The following ELAVL3 variants were observed in gnomAD, a reference collection of about 807,000 sequenced individuals.
The protein encoded by ELAVL3 is ELAV-like protein 3.
Under a neutral mutation model 34.2 loss-of-function variants are expected in ELAVL3, and 8 were observed. The ratio of observed to expected loss-of-function variants is 0.23; its 90% confidence interval spans 0.14 to 0.42. The LOEUF (loss-of-function observed/expected upper bound fraction) is 0.42. ELAVL3 is among the 10% of genes least tolerant of loss of function. ELAVL3 has a pLI of 1.00. For synonymous variants in ELAVL3, 209 were observed against 222.1 expected (o/e 0.94, Z 0.53); for missense variants, 273 against 518.8 (o/e 0.53, Z 4.60).
At chr19:11,472,507 C>T (rs1971183621) in intron 1 of ELAVL3, among the ~76,000 whole-genome samples, 1 of 152,000 alleles carries the variant, frequency 6.6e-6, no homozygotes, top group Non-Finnish European at 1.5e-5. Context: ...TCAAGCCCAG[C>T]CTGGGCAACA....
At chr19:11,465,292 C>A (rs565992099) in intron 3 of ELAVL3, among the ~76,000 whole-genome samples, 4 of 121,392 alleles carry the variant, frequency 3.3e-5, no homozygotes, top group East Asian at 4.4e-4. Context: ...CACACACACA[C>A]CACACACACA....
chr19:11,466,067 A>G lies in ELAVL3; in HGVS notation c.333+105T>C, dbSNP rs958041844. 5 of 1,030,166 alleles carry G rather than the reference A, an allele frequency of 4.9e-6. No homozygotes were observed. Among genetic ancestry groups the G allele is most frequent in the African/African-American group, 1.6e-5 (1 of 63,610 alleles). The allele number at this position is 1,030,166 out of a possible 1,614,324, so 63.8% of individuals were successfully genotyped here. A position where few individuals can be genotyped will look rare whatever the true frequency, so the allele number is the denominator to read the frequency against. On this transcript the variant is annotated intron_variant, in intron 3 of 6. Transcript: ENST00000359227. This position sits in a 1 kb window ranked among gnomAD's most constrained non-coding sequence, Gnocchi z 5.0. ...GAGCCCCTCTGGGGATGAGTCCTGAAAGGCAGTGGACATGGATGCATGGGG... is the reference window on the plus strand; with the variant it reads ...GAGCCCCTCTGGGGATGAGTCCTGAGAGGCAGTGGACATGGATGCATGGGG...
Position 11,452,477 on chromosome 19 carries a change from T to G in ELAVL3, c.*2049A>C, listed in dbSNP as rs1189266917. The G allele has an allele frequency of 6.6e-6, 1 of 151,350 alleles. No individual in the cohort carries two copies. The highest frequency in any genetic ancestry group is 1.5e-5 in the Non-Finnish European group (1 of 67,986). The allele number at this position is 151,350 out of a possible 1,614,324, so 9.4% of individuals were successfully genotyped here. ...GTTAACTGGTGCCAGTTTATGTCTT[T>G]TTTTTTTTTCCTTTTTTTTTTTTAA... On this transcript the variant is annotated 3_prime_UTR_variant, in exon 7 of 7. Coordinates refer to ENST00000359227, the MANE Select transcript of ELAVL3 (RefSeq NM_001420.4).
chr19:11,457,261 C>T, intron 5 of ELAVL3, 113 bp from the exon 6 acceptor site: 1 of 1,162,774 alleles, frequency 8.6e-7, no homozygotes, highest in Non-Finnish European at 1.2e-6. Flanking sequence ...AGAGCCCTGC[C>T]CCCGCCTGCC....
Position 11,454,804 on chromosome 19 carries a change from A to C in ELAVL3, c.826T>G (p.Ser276Ala). ...GMSGLAGVGL[S>A]GGAAGAGWCI... is the part of the protein sequence containing the mutation. ...CAGCCGGCGCCCGCCGCGCCCCCCG[A>C]CAGGCCCACGCCCGCCAGGCCGCTC... The change falls in exon 7 of 7, where the codon TCG becomes GCG. Residue 276 changes from serine to alanine, a missense_variant. Physicochemically the swap from Ser to Ala is moderately conservative, Grantham distance 99. Coordinates refer to ENST00000359227, the MANE Select transcript of ELAVL3 (RefSeq NM_001420.4). This position sits in a 1 kb window ranked among gnomAD's most constrained non-coding sequence, Gnocchi z 9.2. The C allele has an allele frequency of 1.2e-6, 2 of 1,612,284 alleles. No individual in the cohort carries two copies. The highest frequency in any genetic ancestry group is 1.3e-5 in the African/African-American group (1 of 75,040).
rs1449123405 is a variant in ELAVL3, at chr19:11,455,148, G to A, written c.753-271C>T. On this transcript the variant is annotated intron_variant, in intron 6 of 6. Transcript: ENST00000359227. ...TGAGCAGCTGGGACTGTAGGCAGGC[G>A]CCCTCACACCCAGCTAATTTTTTTT... Among the ~76,000 whole-genome samples, 7 of 151,874 alleles carry A rather than the reference G, an allele frequency of 4.6e-5. No homozygotes were observed. The South Asian group carries it at 6.2e-4, about 14-fold the overall frequency.
At chr19:11,472,517 A>G (rs1424529542) in intron 1 of ELAVL3, among the ~76,000 whole-genome samples, 2 of 152,110 alleles carry the variant, frequency 1.3e-5, no homozygotes, top group African/African-American at 4.8e-5. Flanking sequence ...CCTGGGCAAC[A>G]CAGTGAGATC....
At chr19:11,464,151 C>CTCTCTCTCTCTCTCTCTA (rs1215435723) in intron 3 of ELAVL3, among the ~76,000 whole-genome samples, 1 of 86,492 alleles carries the variant, frequency 1.2e-5, no homozygotes, top group African/African-American at 6.1e-5. Context: ...CTCTCTCTCT[C>CTCTCTCTCTCTCTCTCTA]TATATATATA....
chr19:11,456,898 C>G (rs1970779596), intron 6 of ELAVL3, among the ~76,000 whole-genome samples: 1 of 152,182 alleles, frequency 6.6e-6, no homozygotes, highest in Non-Finnish European at 1.5e-5. Flanking sequence ...CTCCTGGCCT[C>G]AAGTGCTCCT....
At chr19:11,467,552 C>T (rs770802553) in intron 1 of ELAVL3, among the ~76,000 whole-genome samples, 6 of 144,802 alleles carry the variant, frequency 4.1e-5, no homozygotes, top group Non-Finnish European at 7.6e-5. Flanking sequence ...GGTGCGATCT[C>T]GGCTTGCTGC....
rs1971357035 is a variant in ELAVL3, at chr19:11,480,532, A to G, written c.9+68T>C. 7.0e-7 allele frequency: 1 copy of G among 1,427,142 alleles called. No individual in the cohort carries two copies. Among genetic ancestry groups the G allele is most frequent in the Non-Finnish European group, 9.3e-7 (1 of 1,080,758 alleles). The allele number at this position is 1,427,142 out of a possible 1,614,324, so 88.4% of individuals were successfully genotyped here. A position where few individuals can be genotyped will look rare whatever the true frequency, so the allele number is the denominator to read the frequency against. ...CTACCCCCCCCGCCGCACCCGCCCA[A>G]TCTCCGCGGAGCCTGGGCCCAACTC... On this transcript the variant is annotated intron_variant, in intron 1 of 6. Transcript: ENST00000359227. This position sits in a 1 kb window ranked among gnomAD's most constrained non-coding sequence, Gnocchi z 6.8.
At chr19:11,476,006 T>G (rs1971256177) in intron 1 of ELAVL3, among the ~76,000 whole-genome samples, 1 of 152,190 alleles carries the variant, frequency 6.6e-6, no homozygotes, top group South Asian at 2.1e-4. Context: ...CCTGGAGGAC[T>G]ACTCTGAAGA....
chr19:11,466,546 C>T lies in ELAVL3; in HGVS notation c.229+62G>A. On this transcript the variant is annotated intron_variant, in intron 2 of 6. Transcript: ENST00000359227. The surrounding 1 kb of genome is among the most constrained non-coding windows in gnomAD (Gnocchi z 5.0). ...CCTCAGCAAGGGTCCCACCTGCCCC[C>T]ATCACCTCTGTATTTCTGAGGCTAC... 1 of 1,579,386 alleles carries T rather than the reference C, an allele frequency of 6.3e-7. No individual in the cohort carries two copies. Among genetic ancestry groups the T allele is most frequent in the South Asian group, 1.1e-5 (1 of 89,480 alleles).
Position 11,480,243 on chromosome 19 carries a change from T to G in ELAVL3, c.9+357A>C. On this transcript the variant is annotated intron_variant, in intron 1 of 6. Coordinates refer to ENST00000359227, the MANE Select transcript of ELAVL3 (RefSeq NM_001420.4). This position sits in a 1 kb window ranked among gnomAD's most constrained non-coding sequence, Gnocchi z 6.8. ...CCAGCACCAGTGATCGGGCCCTGCG[T>G]TTGCCTGGGCGGCCTGCGGGGTCTG... is the stretch of plus-strand genomic sequence containing the variant. The G allele has an allele frequency of 7.7e-6, 2 of 259,052 alleles. No individual in the cohort carries two copies. The highest frequency in any genetic ancestry group is 7.3e-6 in the Non-Finnish European group (1 of 136,670). 16.0% of individuals were successfully genotyped at this position (259,052 alleles called of 1,614,324 possible). A position where few individuals can be genotyped will look rare whatever the true frequency, so the allele number is the denominator to read the frequency against.
intron 5 of ELAVL3, 107 bp downstream of exon 5, chr19:11,457,954 T>C: frequency 5.8e-6 from 7 of 1,207,694 alleles, no homozygotes; most frequent in Non-Finnish European, 8.2e-6. Context: ...GGCTCCCATG[T>C]GTGCGCACCC....
intron 3 of ELAVL3, among the ~76,000 whole-genome samples, chr19:11,460,095 G>A (rs311780): frequency 0.14 from 21,982 of 151,976 alleles, 3,203 homozygotes; most frequent in African/African-American, 0.38. Context: ...GCTCCCGCCC[G>A]CCTCCAATCT....
intron 1 of ELAVL3, among the ~76,000 whole-genome samples, chr19:11,479,526 C>A (rs1188829870): frequency 6.6e-6 from 1 of 151,746 alleles, no homozygotes; most frequent in Non-Finnish European, 1.5e-5. Context: ...GGAGCGGAGT[C>A]GCGCGGCAGG....
chr19:11,474,182 G>A (rs150741652), intron 1 of ELAVL3, among the ~76,000 whole-genome samples: 2,962 of 152,218 alleles, frequency 0.019, 58 homozygotes, highest in Non-Finnish European at 0.026. Flanking sequence ...ACAGGCATGT[G>A]CCACCATGCC....
At chr19:11,468,466 G>T (rs1330312338) in intron 1 of ELAVL3, among the ~76,000 whole-genome samples, 1 of 150,722 alleles carries the variant, frequency 6.6e-6, no homozygotes, top group Non-Finnish European at 1.5e-5. Flanking sequence ...CCAGGCTGGG[G>T]TGCAATGGCA....
Sources: gnomAD v4.1 joint callset for allele counts (sites outside exome capture counted in the v4.1 genomes callset) on GRCh38, gnomAD v4.1.1 for gene constraint, Gnocchi (gnomAD v3.1) non-coding constraint, MANE v1.5 for transcripts, NCBI Gene and HGNC (gene_info 2026-07-23, HGNC 2026-07-21) for gene names.